Variants in LRMDA observed in about 807,000 individuals in gnomAD.
LRMDA encodes the protein leucine-rich melanocyte differentiation-associated protein.
Under a neutral mutation model 29.8 loss-of-function variants are expected in LRMDA, and 18 were observed. The ratio of observed to expected loss-of-function variants is 0.60; its 90% CI spans 0.42 to 0.90. The LOEUF (loss-of-function observed/expected upper bound fraction) is 0.90. LRMDA is among the 40% of genes least tolerant of loss of function. The pLI, the probability that LRMDA is intolerant of heterozygous loss-of-function variation, is 0.00. For missense variants in LRMDA, 273 were observed against 273.9 expected, an observed-to-expected ratio of 1.00 and a Z score of 0.02; for synonymous variants, 125 against 109.4, an observed-to-expected ratio of 1.14 and a Z score of -0.89.
chr10:76,373,558 G>T (rs1348474723), intron 6 of LRMDA, among the ~76,000 whole-genome samples: 2 of 152,052 alleles, frequency 1.3e-5, no homozygotes, highest in Non-Finnish European at 2.9e-5. Context: ...ACAAGATATT[G>T]TTATCTCCTG....
intron 6 of LRMDA, among the ~76,000 whole-genome samples, chr10:76,400,724 C>T (rs1320589302): frequency 9.7e-6 from 1 of 102,768 alleles, no homozygotes; most frequent in Non-Finnish European, 2.1e-5. Flanking sequence ...TTAAATGTCA[C>T]CTCTTTCATA....
At chr10:75,664,466 T>C (rs1841795545) in intron 2 of LRMDA, among the ~76,000 whole-genome samples, 1 of 152,188 alleles carries the variant, frequency 6.6e-6, no homozygotes, top group Admixed American at 6.5e-5. Flanking sequence ...GATTAACTCA[T>C]GTTCTAAAAG....
intron 2 of LRMDA, among the ~76,000 whole-genome samples, chr10:75,578,812 G>C (rs1376792052): frequency 7.0e-6 from 1 of 143,558 alleles, no homozygotes. Flanking sequence ...TGAAATGAAG[G>C]CAGAAATAAA....
chr10:76,549,319 C>A (rs1294846619), intron 6 of LRMDA, among the ~76,000 whole-genome samples: 1 of 152,152 alleles, frequency 6.6e-6, no homozygotes, highest in Non-Finnish European at 1.5e-5. Flanking sequence ...TGCTGACTGA[C>A]TTCCTTCCCC....
At chr10:75,919,556 T>C (rs1283473268) in intron 2 of LRMDA, among the ~76,000 whole-genome samples, 1 of 152,216 alleles carries the variant, frequency 6.6e-6, no homozygotes, top group African/African-American at 2.4e-5. Flanking sequence ...TTCTAAGATG[T>C]AGAGATATTT....
At chr10:76,505,545 A>G (rs371857414) in intron 6 of LRMDA, among the ~76,000 whole-genome samples, 3 of 152,134 alleles carry the variant, frequency 2.0e-5, no homozygotes, top group African/African-American at 7.2e-5. Context: ...GGCTTGGTCT[A>G]TTCTGCTGTT....
chr10:75,680,940 G>C (rs564796924), intron 2 of LRMDA, among the ~76,000 whole-genome samples: 1 of 152,260 alleles, frequency 6.6e-6, no homozygotes, highest in East Asian at 1.9e-4. Flanking sequence ...TTAACGTGAT[G>C]GTGGGCACCG....
intron 6 of LRMDA, among the ~76,000 whole-genome samples, chr10:76,333,949 G>A (rs546068766): frequency 2.7e-4 from 41 of 152,206 alleles, no homozygotes; most frequent in African/African-American, 7.7e-4. Context: ...CCCCTCTGTC[G>A]GTTCATCCTC....
chr10:75,862,257 T>C (rs1024102447), intron 2 of LRMDA, among the ~76,000 whole-genome samples: 1 of 152,102 alleles, frequency 6.6e-6, no homozygotes, highest in Admixed American at 6.5e-5. Context: ...ATTTTTCATA[T>C]CTGAGAAGTT....
chr10:75,636,716 A>T (rs1841394002), intron 2 of LRMDA, among the ~76,000 whole-genome samples: 1 of 152,232 alleles, frequency 6.6e-6, no homozygotes, highest in African/African-American at 2.4e-5. Context: ...TTTCTGGGTG[A>T]GAGCCCAGCG....
intron 6 of LRMDA, among the ~76,000 whole-genome samples, chr10:76,407,594 T>C (rs1841915899): frequency 6.6e-6 from 1 of 152,208 alleles, no homozygotes; most frequent in Admixed American, 6.5e-5. Flanking sequence ...ATAGATTTTA[T>C]GATCACTGTC....
chr10:76,390,531 A>T (rs910323710), intron 6 of LRMDA, among the ~76,000 whole-genome samples: 1 of 152,148 alleles, frequency 6.6e-6, no homozygotes, highest in African/African-American at 2.4e-5. Context: ...AGAAAACTCA[A>T]TGTTAAGTGG....
intron 5 of LRMDA, among the ~76,000 whole-genome samples, chr10:76,304,455 G>T (rs1164240882): frequency 6.6e-6 from 1 of 152,176 alleles, no homozygotes; most frequent in African/African-American, 2.4e-5. Flanking sequence ...ACTGGGCTCT[G>T]CTAGAAAGGG....
At chr10:75,933,799 G>A (rs1487708850) in intron 2 of LRMDA, among the ~76,000 whole-genome samples, 1 of 152,154 alleles carries the variant, frequency 6.6e-6, no homozygotes, top group Non-Finnish European at 1.5e-5. Context: ...TTAGGTGCCT[G>A]TAGCTGTCTC....
At chr10:75,713,572 A>G (rs981890667) in intron 2 of LRMDA, among the ~76,000 whole-genome samples, 1 of 152,352 alleles carries the variant, frequency 6.6e-6, no homozygotes, top group African/African-American at 2.4e-5. Flanking sequence ...CAACACAAGA[A>G]TTGTTTGAAA....
chr10:75,828,162 G>A (rs1410023310), intron 2 of LRMDA, among the ~76,000 whole-genome samples: 1 of 152,122 alleles, frequency 6.6e-6, no homozygotes, highest in Non-Finnish European at 1.5e-5. Flanking sequence ...AGAGGATACT[G>A]CTCCCCAGGA....
chr10:76,375,320 G>A (rs1841503347), intron 6 of LRMDA, among the ~76,000 whole-genome samples: 1 of 150,708 alleles, frequency 6.6e-6, no homozygotes, highest in Non-Finnish European at 1.5e-5. Flanking sequence ...TGTTTCAAAT[G>A]AAAAAAAAAA....
intron 2 of LRMDA, among the ~76,000 whole-genome samples, chr10:75,922,372 A>T (rs1329245538): frequency 6.6e-6 from 1 of 152,186 alleles, no homozygotes; most frequent in East Asian, 1.9e-4. Context: ...ACCTTGCTTG[A>T]TGGACCATGG....
At chr10:76,172,881 T>G (rs1850863449) in intron 5 of LRMDA, among the ~76,000 whole-genome samples, 2 of 152,186 alleles carry the variant, frequency 1.3e-5, no homozygotes, top group Non-Finnish European at 2.9e-5. Flanking sequence ...AATATCAGAT[T>G]TATAATATCT....
Sources: gnomAD v4.1 joint callset for allele counts (sites outside exome capture counted in the v4.1 genomes callset) on GRCh38, gnomAD v4.1.1 for gene constraint, MANE v1.5 for transcripts, NCBI Gene and HGNC (gene_info 2026-07-23, HGNC 2026-07-21) for gene names.